The following NOL4 variants were observed in gnomAD, a reference collection of about 807,000 sequenced individuals.
NOL4 encodes the protein nucleolar protein 4.
In NOL4, 17 loss-of-function variants were observed where a neutral mutation model predicts 75.9. That is an observed-to-expected ratio of 0.22 (90% confidence interval 0.15 to 0.34). NOL4 has a LOEUF of 0.34. Ranked by LOEUF, NOL4 falls within the 10% of genes least tolerant of loss-of-function variation. The pLI, the probability that NOL4 is intolerant of heterozygous loss-of-function variation, is 1.00. For missense variants in NOL4, 614 were observed against 793.5 expected (o/e 0.77, Z 2.72); for synonymous variants, 292 against 289.9 (o/e 1.01, Z -0.07).
At chr18:34,182,654 T>C (rs2034132485) in intron 1 of NOL4, among the ~76,000 whole-genome samples, 3 of 151,704 alleles carry the variant, frequency 2.0e-5, no homozygotes, top group Admixed American at 2.0e-4. Context: ...GAATAAAGCC[T>C]GAAAAGATAT....
At chr18:33,924,203 G>C (rs1427404400) in intron 9 of NOL4, among the ~76,000 whole-genome samples, 1 of 152,182 alleles carries the variant, frequency 6.6e-6, no homozygotes, top group Non-Finnish European at 1.5e-5. Context: ...GCTCCCTGCA[G>C]CTGCGTCTTG....
rs2037468004 is a variant in NOL4, at chr18:34,223,688, G to GGAGC, written c.-439_-436dup. ...GGGCTGCGTCCGGGGCTGGGCAGGT[G>GGAGC]GAGCGCAGCGCCGCCTCCCCGCGCG... On this transcript the variant is annotated 5_prime_UTR_variant, in exon 1 of 11. Coordinates refer to ENST00000261592, the MANE Select transcript of NOL4 (RefSeq NM_003787.5). 6.2e-6 allele frequency: 1 copy of GGAGC among 160,378 alleles called. No homozygotes were observed. 9.9% of individuals were successfully genotyped at this position (160,378 alleles called of 1,614,324 possible).
In NOL4 at chr18:34,105,092, G is replaced by A. The variant is rs572776477; in HGVS notation, c.483C>T (p.Cys161=). The change falls in exon 3 of 11, where the codon TGC becomes TGT. Residue 161 remains cysteine (C), a synonymous_variant. Coordinates refer to ENST00000261592, the MANE Select transcript of NOL4 (RefSeq NM_003787.5). ...CTGGGTTTAAATGCATTCTTTTCTG[G>A]CACTCTGAGCAGCTCATTAGAAATC... The part of the protein sequence containing the change: ...VTRFLMSCSE[C]QKRMHLNPDG... 4 of 1,611,910 alleles carry A rather than the reference G, an allele frequency of 2.5e-6. No individual in the cohort carries two copies. In the South Asian group the frequency reaches 4.4e-5, roughly 18 times the overall value.
At chr18:34,011,029 C>T (rs578140285) in intron 6 of NOL4, among the ~76,000 whole-genome samples, 25 of 151,728 alleles carry the variant, frequency 1.6e-4, no homozygotes, top group Middle Eastern at 3.4e-3. Flanking sequence ...TATAGCACAA[C>T]AGGGTGGCTA....
At chr18:34,076,770 T>C (rs975790680) in intron 5 of NOL4, among the ~76,000 whole-genome samples, 2 of 152,232 alleles carry the variant, frequency 1.3e-5, no homozygotes, top group Non-Finnish European at 1.5e-5. Flanking sequence ...TCATATTGAA[T>C]AGCAAAGTAA....
intron 6 of NOL4, among the ~76,000 whole-genome samples, chr18:33,974,297 G>T (rs972306186): frequency 6.6e-6 from 1 of 152,124 alleles, no homozygotes; most frequent in Non-Finnish European, 1.5e-5. Flanking sequence ...TTAGGGACTT[G>T]CTCTGGAATA....
Position 33,908,556 on chromosome 18 carries a change from C to T in NOL4, c.1543-25132G>A, listed in dbSNP as rs905590219. Among the ~76,000 whole-genome samples the T allele has an allele frequency of 3.3e-5, 5 of 151,886 alleles. No individual in the cohort carries two copies. In the East Asian group the frequency reaches 7.7e-4, roughly 23 times the overall value. ...AGTCATAAAATTGTGATCTTAATTC[C>T]TATGTGTTGAGATTAAAGTTTATAG... On this transcript the variant is annotated intron_variant, in intron 9 of 10. Transcript: ENST00000261592.
chr18:34,103,885 G>T (rs1039091335), intron 4 of NOL4, among the ~76,000 whole-genome samples, 162 bp downstream of exon 4: 9 of 151,966 alleles, frequency 5.9e-5, no homozygotes, highest in Non-Finnish European at 8.8e-5. Flanking sequence ...TGTGGACTAG[G>T]AGTTTCTGCT....
rs1177307018 is a variant in NOL4 at position 34,166,895 on chromosome 18, G to A, written c.265-36875C>T. 8.3e-5 allele frequency among the ~76,000 whole-genome samples: 8 copies of A among 96,450 alleles called. 2 individuals are homozygous for A. The highest frequency in any genetic ancestry group is 7.3e-4 in the Admixed American group (6 of 8,222). 63.3% of individuals were successfully genotyped at this position (96,450 alleles called of 152,430 possible). A position where few individuals can be genotyped will look rare whatever the true frequency, so the allele number is the denominator to read the frequency against. On this transcript the variant is annotated intron_variant, in intron 1 of 10. Coordinates refer to ENST00000261592, the MANE Select transcript of NOL4 (RefSeq NM_003787.5). ...TACTAAAAAATACAAAAAATTAGCCGGGCGCGGTGGCAGGCGCCTGTAGTC... is the reference window on the plus strand; with the variant it reads ...TACTAAAAAATACAAAAAATTAGCCAGGCGCGGTGGCAGGCGCCTGTAGTC...
intron 6 of NOL4, among the ~76,000 whole-genome samples, chr18:34,018,948 A>G (rs1452769184): frequency 6.6e-6 from 1 of 152,182 alleles, no homozygotes; most frequent in Non-Finnish European, 1.5e-5. Flanking sequence ...CTATCCATCT[A>G]GGAGAAACTA....
At chr18:34,008,371 G>GTCTGTCTATCTATCTATCTATCTA (rs1555690666) in intron 6 of NOL4, among the ~76,000 whole-genome samples, 2 of 147,566 alleles carry the variant, frequency 1.4e-5, no homozygotes, top group African/African-American at 2.5e-5. Context: ...CTATCTGTCT[G>GTCTGTCTATCTATCTATCTATCTA]TCTATCTATC....
At chr18:33,985,741 G>A (rs2072387844) in intron 6 of NOL4, among the ~76,000 whole-genome samples, 1 of 151,974 alleles carries the variant, frequency 6.6e-6, no homozygotes, top group Non-Finnish European at 1.5e-5. Flanking sequence ...CAGATTAGTG[G>A]GTAAAGTTTT....
chr18:33,904,607 G>A (rs1200658899), intron 9 of NOL4, among the ~76,000 whole-genome samples: 1 of 152,144 alleles, frequency 6.6e-6, no homozygotes, highest in Non-Finnish European at 1.5e-5. Flanking sequence ...CAAGTGTTAA[G>A]TCTTCACCTG....
chr18:33,987,316 G>C (rs2072540090), intron 6 of NOL4, among the ~76,000 whole-genome samples: 1 of 152,036 alleles, frequency 6.6e-6, no homozygotes, highest in South Asian at 2.1e-4. Flanking sequence ...AAGTGACCCT[G>C]AAAGCTTCAC....
chr18:34,013,807 C>CT (rs957043364), intron 6 of NOL4, among the ~76,000 whole-genome samples: 38 of 151,222 alleles, frequency 2.5e-4, no homozygotes, highest in African/African-American at 7.5e-4. Flanking sequence ...GATAGAGACT[C>CT]TTTTTTTTTA....
At chr18:34,079,020 T>A (rs1210898263) in intron 5 of NOL4, among the ~76,000 whole-genome samples, 2 of 152,150 alleles carry the variant, frequency 1.3e-5, no homozygotes, top group Non-Finnish European at 2.9e-5. Flanking sequence ...TGAATCTAGT[T>A]TATTTGCCCC....
chr18:34,056,179 T>C (rs925281070), intron 5 of NOL4, among the ~76,000 whole-genome samples: 3 of 152,216 alleles, frequency 2.0e-5, no homozygotes, highest in Non-Finnish European at 4.4e-5. Flanking sequence ...TCAAGCCACA[T>C]TTCTTTGTTT....
At chr18:34,052,227 C>A (rs2076651795) in intron 5 of NOL4, among the ~76,000 whole-genome samples, 1 of 151,880 alleles carries the variant, frequency 6.6e-6, no homozygotes, top group South Asian at 2.1e-4. Flanking sequence ...TTACAATGCT[C>A]AAAAATATTC....
chr18:34,049,966 T>C (rs755337144), intron 5 of NOL4, among the ~76,000 whole-genome samples: 57 of 152,290 alleles, frequency 3.7e-4, no homozygotes, highest in Non-Finnish European at 3.8e-4. Flanking sequence ...TTAACTAGAA[T>C]CTCATTATTG....
Sources: gnomAD v4.1 joint callset for allele counts (sites outside exome capture counted in the v4.1 genomes callset) on GRCh38, gnomAD v4.1.1 for gene constraint, MANE v1.5 for transcripts, NCBI Gene and HGNC (gene_info 2026-07-23, HGNC 2026-07-21) for gene names.